IL20RA: variants seen among roughly 807,000 people sequenced by gnomAD.
IL20RA encodes the protein interleukin-20 receptor subunit alpha.
In IL20RA, 29 loss-of-function variants were observed where a neutral mutation model predicts 36.5. That is an observed-to-expected ratio of 0.79 (90% confidence interval 0.59 to 1.08). The LOEUF (loss-of-function observed/expected upper bound fraction) is 1.08. Among genes scored for constraint, IL20RA ranks in the 50% least tolerant of loss-of-function variants. The pLI is 0.00. For missense variants in IL20RA, 652 were observed against 668.4 expected (o/e 0.98, Z 0.27); for synonymous variants, 279 against 267.1 (o/e 1.04, Z -0.43).
At chr6:137,038,635 A>G (rs1776574608) in intron 1 of IL20RA, among the ~76,000 whole-genome samples, 1 of 152,194 alleles carries the variant, frequency 6.6e-6, no homozygotes, top group Non-Finnish European at 1.5e-5. Context: ...GAACATCACG[A>G]TGATAGCAAA....
intron 1 of IL20RA, among the ~76,000 whole-genome samples, chr6:137,023,670 C>G (rs986677693): frequency 1.3e-5 from 2 of 152,088 alleles, no homozygotes; most frequent in Non-Finnish European, 2.9e-5. Flanking sequence ...TGGGACCTGC[C>G]GATGAAGCAG....
intron 1 of IL20RA, chr6:137,038,205 CTTTTT>C (rs780099085): frequency 7.6e-4 from 54 of 71,442 alleles, no homozygotes; most frequent in Non-Finnish European, 1.1e-3. Context: ...TTTTGTTCTC[CTTTTT>C]TTTTTTTTTT....
chr6:137,043,742 A>G (rs1440006469), intron 1 of IL20RA, among the ~76,000 whole-genome samples: 1 of 152,214 alleles, frequency 6.6e-6, no homozygotes. Context: ...GGCCTGAACG[A>G]AGTGTCTACA....
chr6:137,016,548 G>C (rs551571306), intron 2 of IL20RA, among the ~76,000 whole-genome samples: 3 of 152,084 alleles, frequency 2.0e-5, no homozygotes, highest in Non-Finnish European at 4.4e-5. Context: ...CTTGCAATGA[G>C]TTTTGAGGGC....
intron 1 of IL20RA, among the ~76,000 whole-genome samples, chr6:137,030,249 T>A (rs1776233238): frequency 6.6e-6 from 1 of 151,706 alleles, no homozygotes; most frequent in African/African-American, 2.4e-5. Flanking sequence ...ACTGGCTAAG[T>A]TTTAAAACAT....
chr6:137,023,110 G>A (rs561812778), intron 1 of IL20RA, among the ~76,000 whole-genome samples: 1 of 152,104 alleles, frequency 6.6e-6, no homozygotes, highest in African/African-American at 2.4e-5. Flanking sequence ...GAGCTTCCAG[G>A]GTAGTAGGAA....
At chr6:137,013,159 C>T in intron 2 of IL20RA, among the ~76,000 whole-genome samples, 1 of 152,222 alleles carries the variant, frequency 6.6e-6, no homozygotes, top group East Asian at 1.9e-4. Context: ...CCATTCCTTT[C>T]CATTAAAAAT....
At chr6:137,038,584 T>C (rs1004337088) in intron 1 of IL20RA, among the ~76,000 whole-genome samples, 10 of 152,168 alleles carry the variant, frequency 6.6e-5, no homozygotes, top group Non-Finnish European at 7.3e-5. Context: ...TTTTGTGTTA[T>C]GTCATAAACT....
chr6:137,015,966 C>T (rs1775669636), intron 2 of IL20RA, among the ~76,000 whole-genome samples: 1 of 152,146 alleles, frequency 6.6e-6, no homozygotes, highest in African/African-American at 2.4e-5. Flanking sequence ...CAATGCTCTC[C>T]ATAATTTTAA....
chr6:137,031,721 C>T (rs1776290747), intron 1 of IL20RA, among the ~76,000 whole-genome samples: 1 of 151,824 alleles, frequency 6.6e-6, no homozygotes. Flanking sequence ...TTCGTATAAT[C>T]CTGTATCAGG....
intron 1 of IL20RA, among the ~76,000 whole-genome samples, chr6:137,018,757 TG>T (rs1775796578): frequency 6.6e-6 from 1 of 152,154 alleles, no homozygotes; most frequent in African/African-American, 2.4e-5. Flanking sequence ...AAATAGAACA[TG>T]AGGAGGCAGC....
rs1488936188 is a variant in IL20RA, at chr6:137,004,172, T to TG, written c.864+448_864+449insC. On this transcript the variant is annotated intron_variant, in intron 6 of 6. Transcript: ENST00000316649. ...TAATCCAGAAAGCTTTTTTTTTTTT[T>TG]TTTTTTTTTTTTTGAGACAGAGCCT... Among the ~76,000 whole-genome samples, 670 of 132,768 alleles carry TG rather than the reference T, an allele frequency of 5.0e-3. 23 individuals are homozygous for TG. The highest frequency in any genetic ancestry group is 0.016 in the African/African-American group (529 of 33,880). The allele number at this position is 132,768 out of a possible 152,430, so 87.1% of individuals were successfully genotyped here. A position where few individuals can be genotyped will look rare whatever the true frequency, so the allele number is the denominator to read the frequency against.
intron 1 of IL20RA, 198 bp downstream of exon 1, chr6:137,044,443 A>T: frequency 1.2e-6 from 1 of 843,412 alleles, no homozygotes; most frequent in Non-Finnish European, 1.5e-6. Flanking sequence ...AAGGTGCGCG[A>T]GGCGACGGCG....
intron 5 of IL20RA, among the ~76,000 whole-genome samples, chr6:137,008,263 C>G (rs367823313): frequency 6.6e-6 from 1 of 152,082 alleles, no homozygotes; most frequent in African/African-American, 2.4e-5. Context: ...CTATGCCCAG[C>G]GTGATTATGA....
chr6:137,001,881 G>A lies in IL20RA; in HGVS notation c.1339C>T (p.Gln447Ter). Residue 447 changes from glutamine (Q) to a stop codon, truncating the protein, a stop_gained, in exon 7 of 7, where the codon CAG becomes TAG. Transcript: ENST00000316649. LOFTEE classifies it low-confidence loss of function (END_TRUNC). ...ALAVLGPQTL[Q>*]YSYTPQLQDL... ...TGGAGCTGAGGGGTGTATGAGTACT[G>A]TAACGTTTGCGGGCCCAAGACTGCC... The A allele has an allele frequency of 6.2e-7, 1 of 1,613,840 alleles. No homozygotes were observed.
At chr6:137,026,167 A>G (rs276499) in intron 1 of IL20RA, among the ~76,000 whole-genome samples, 124,162 of 152,214 alleles carry the variant, frequency 0.82, 56,284 homozygotes, top group East Asian at 1. Flanking sequence ...GCTCAGAAAA[A>G]GTCCCCAGAT....
At position 137,000,002 on chromosome 6, in the gene IL20RA, TTAA is replaced by T. The variant is rs1774970712; in HGVS notation, c.*1553_*1555del. ...CAATCACTTTATTTTTCTTTTGCTC[TTAA>T]TAACAATTTATTCTTTCTCACTCTT... On this transcript the variant is annotated 3_prime_UTR_variant, in exon 7 of 7. Transcript: ENST00000316649. The T allele has an allele frequency of 6.6e-6, 1 of 152,252 alleles. No homozygotes were observed. Among genetic ancestry groups the T allele is most frequent in the African/African-American group, 2.4e-5 (1 of 41,464 alleles). 9.4% of individuals were successfully genotyped at this position (152,252 alleles called of 1,614,324 possible). A position where few individuals can be genotyped will look rare whatever the true frequency, so the allele number is the denominator to read the frequency against.
At chr6:137,014,522 G>A (rs889947520) in intron 2 of IL20RA, among the ~76,000 whole-genome samples, 1 of 152,088 alleles carries the variant, frequency 6.6e-6, no homozygotes, top group African/African-American at 2.4e-5. Flanking sequence ...TGAGATTAAA[G>A]AAACTACAGA....
At chr6:137,042,463 A>G (rs373535924) in intron 1 of IL20RA, among the ~76,000 whole-genome samples, 62 of 152,326 alleles carry the variant, frequency 4.1e-4, no homozygotes, top group African/African-American at 1.4e-3. Flanking sequence ...CGTTCCTGAG[A>G]ACAGGATATG....
Sources: gnomAD v4.1 joint callset for allele counts (sites outside exome capture counted in the v4.1 genomes callset) on GRCh38, gnomAD v4.1.1 for gene constraint, MANE v1.5 for transcripts, NCBI Gene and HGNC (gene_info 2026-07-23, HGNC 2026-07-21) for gene names.